LARP1: variants seen among roughly 807,000 people sequenced by gnomAD.
LARP1 encodes la-related protein 1.
A neutral mutation model predicts 122.7 loss-of-function variants in LARP1; 36 were observed. The ratio of observed to expected loss-of-function variants is 0.29; its 90% CI spans 0.22 to 0.39. The LOEUF is 0.39. LARP1 is among the 10% of genes least tolerant of loss of function. The probability of loss-of-function intolerance (pLI) is 1.00; values close to 1 mark genes in which losing one functional copy is unlikely to be tolerated. For missense variants in LARP1, 1,040 were observed against 1,403.6 expected, an observed-to-expected ratio of 0.74 and a Z score of 4.14; for synonymous variants, 539 against 528.7, an observed-to-expected ratio of 1.02 and a Z score of -0.27.
chr5:154,816,293 G>T lies in LARP1; in HGVS notation c.*2197G>T. ...TCCTTTCTTTCCTTCAGGTCACGCA[G>T]CCCTGTACTGTATCCAGCACCACAG... On this transcript the variant is annotated 3_prime_UTR_variant, in exon 19 of 19. Transcript: ENST00000518297. 6.5e-6 allele frequency: 1 copy of T among 153,326 alleles called. No homozygotes were observed. Among genetic ancestry groups the T allele is most frequent in the Non-Finnish European group, 1.5e-5 (1 of 68,534 alleles). The allele number at this position is 153,326 out of a possible 1,614,324, so 9.5% of individuals were successfully genotyped here. A position where few individuals can be genotyped will look rare whatever the true frequency, so the allele number is the denominator to read the frequency against.
At chr5:154,766,937 C>G (rs1010338607) in intron 1 of LARP1, among the ~76,000 whole-genome samples, 2 of 152,180 alleles carry the variant, frequency 1.3e-5, no homozygotes, top group African/African-American at 4.8e-5. Flanking sequence ...AGAGGTCATT[C>G]AATCTAAACC....
At chr5:154,710,340 A>C (rs749336771), upstream of LARP1, among the ~76,000 whole-genome samples, 2 of 152,168 alleles carry the variant, frequency 1.3e-5, no homozygotes, top group Non-Finnish European at 2.9e-5. Context: ...GGCCAGGCAC[A>C]GTGGCTTATG....
intron 8 of LARP1, among the ~76,000 whole-genome samples, chr5:154,799,338 T>C (rs911926510): frequency 2.6e-5 from 4 of 152,236 alleles, no homozygotes; most frequent in Non-Finnish European, 4.4e-5. Context: ...AAGTGTTCTC[T>C]AGAGCAGATT....
In LARP1 at chr5:154,814,310, T is replaced by C. The variant is rs925397042; in HGVS notation, c.*214T>C. The stretch of plus-strand genomic sequence containing the variant: ...CATCCCCTTCCCCCTCCTCTCTCCA[T>C]GACTCTTGACATCCTAGCTTCTTCT... On this transcript the variant is annotated 3_prime_UTR_variant, in exon 19 of 19. Transcript: ENST00000518297. 1 of 473,480 alleles carries C rather than the reference T, an allele frequency of 2.1e-6. No individual in the cohort carries two copies. The highest frequency in any genetic ancestry group is 3.8e-6 in the Non-Finnish European group (1 of 262,856). 29.3% of individuals were successfully genotyped at this position (473,480 alleles called of 1,614,324 possible). A position where few individuals can be genotyped will look rare whatever the true frequency, so the allele number is the denominator to read the frequency against.
intron 1 of LARP1, among the ~76,000 whole-genome samples, chr5:154,766,239 C>G (rs1017732739): frequency 1.3e-5 from 2 of 152,124 alleles, no homozygotes; most frequent in Non-Finnish European, 2.9e-5. Context: ...GGAGAGACAT[C>G]GAAGATTGTA....
intron 1 of LARP1, among the ~76,000 whole-genome samples, chr5:154,720,192 AAATAATAATAATAATAGT>A (rs1487188300): frequency 2.2e-5 from 3 of 136,368 alleles, no homozygotes; most frequent in Non-Finnish European, 5.1e-5. Context: ...CTCTGTCTCA[AAATAATAATAATAATAGT>A]AATAATAATA....
At chr5:154,704,627 A>G (rs972077376) in intron 1 of LARP1, among the ~76,000 whole-genome samples, 1 of 149,144 alleles carries the variant, frequency 6.7e-6, no homozygotes, top group Non-Finnish European at 1.5e-5. Flanking sequence ...AGCTTGGGCG[A>G]CAGGAATGAA....
At chr5:154,756,601 C>A in intron 1 of LARP1, 1 of 658,240 alleles carries the variant, frequency 1.5e-6, no homozygotes, top group Non-Finnish European at 1.9e-6. Flanking sequence ...GTTTTGGTAG[C>A]GTTGCGAGCG....
At chr5:154,767,511 C>G (rs577995113) in intron 1 of LARP1, among the ~76,000 whole-genome samples, 1 of 152,138 alleles carries the variant, frequency 6.6e-6, no homozygotes, top group African/African-American at 2.4e-5. Flanking sequence ...CCTAGGCTGG[C>G]TCAAGCAACT....
chr5:154,708,240 C>T (rs961468652), upstream of LARP1, among the ~76,000 whole-genome samples: 1 of 152,178 alleles, frequency 6.6e-6, no homozygotes, highest in Non-Finnish European at 1.5e-5. Flanking sequence ...AATGCTCACT[C>T]GTCGCCCCCA....
upstream of LARP1, among the ~76,000 whole-genome samples, chr5:154,750,858 CCA>C (rs1158564419): frequency 6.6e-6 from 1 of 151,146 alleles, no homozygotes; most frequent in East Asian, 2.0e-4. Context: ...AGCAATTCTC[CCA>C]CCTTGGCCTC....
upstream of LARP1, among the ~76,000 whole-genome samples, chr5:154,711,241 A>G (rs1755205079): frequency 6.6e-6 from 1 of 151,692 alleles, no homozygotes; most frequent in Non-Finnish European, 1.5e-5. Context: ...TCCCGGGTTC[A>G]AGCGATTCTC....
intron 1 of LARP1, among the ~76,000 whole-genome samples, chr5:154,730,863 CTT>C (rs60848864): frequency 6.3e-5 from 8 of 127,772 alleles, no homozygotes; most frequent in Admixed American, 1.6e-4. Flanking sequence ...ACCATTCTGA[CTT>C]TTTTTTTTTT....
At chr5:154,774,550 C>T (rs1268128571) in intron 1 of LARP1, among the ~76,000 whole-genome samples, 1 of 152,218 alleles carries the variant, frequency 6.6e-6, no homozygotes, top group Non-Finnish European at 1.5e-5. Flanking sequence ...TACTCAAACC[C>T]TTGGATATAA....
At chr5:154,719,441 A>G (rs931112817) in intron 1 of LARP1, among the ~76,000 whole-genome samples, 14 of 152,232 alleles carry the variant, frequency 9.2e-5, no homozygotes, top group Non-Finnish European at 1.8e-4. Flanking sequence ...ATATTTTTAA[A>G]TACCTAAAAT....
chr5:154,799,911 C>T lies in LARP1; in HGVS notation c.1585C>T (p.Pro529Ser), dbSNP rs1166843936. The change falls in exon 10 of 19, where the codon CCA (proline) becomes TCA (serine). Residue 529 changes from proline (P) to serine (S), a missense_variant. Physicochemically the swap from Pro to Ser is moderately conservative, Grantham distance 74. Transcript: ENST00000518297. ...PGSPRAVTPV[P>S]TKTEEVSNLK... ...CTCTCCTCGTGCAGTCACCCCAGTG[C>T]CAACCAAAACAGAGGAGGTCAGCAA... 26 of 1,614,154 alleles carry T rather than the reference C, an allele frequency of 1.6e-5. No homozygotes were observed. Among genetic ancestry groups the T allele is most frequent in the Non-Finnish European group, 2.2e-5 (26 of 1,180,008 alleles).
Position 154,802,129 on chromosome 5 carries a change from G to GGAGCAGATGGATGGGCGGAAGAACA in LARP1, c.1840_1864dup (p.Thr622ArgfsTer15). On this transcript the variant is annotated frameshift_variant, in exon 11 of 19. Coordinates refer to ENST00000518297, the MANE Select transcript of LARP1 (RefSeq NM_033551.3). LOFTEE classifies it high-confidence loss of function. The surrounding 1 kb of genome is among the most constrained non-coding windows in gnomAD (Gnocchi z 5.1). ...TGGATTTTCTGTTTGACGAGGAGAT[G>GGAGCAGATGGATGGGCGGAAGAACA]GAGCAGATGGATGGGCGGAAGAACA... 1 of 1,614,204 alleles carries GGAGCAGATGGATGGGCGGAAGAACA rather than the reference G, an allele frequency of 6.2e-7. No individual in the cohort carries two copies. The highest frequency in any genetic ancestry group is 1.1e-5 in the South Asian group (1 of 91,078).
intron 15 of LARP1, among the ~76,000 whole-genome samples, chr5:154,808,032 T>C (rs1758932648): frequency 6.6e-6 from 1 of 152,272 alleles, no homozygotes; most frequent in Non-Finnish European, 1.5e-5. Context: ...CTTGTGCTTT[T>C]GGTGTTGTGC....
At chr5:154,813,780 A>G in intron 18 of LARP1, 107 bp from the exon 19 acceptor site, 2 of 903,314 alleles carry the variant, frequency 2.2e-6, no homozygotes, top group South Asian at 1.5e-5. Context: ...AAACCCATTC[A>G]TTTTCTATAT....
Sources: allele counts gnomAD v4.1 joint callset (sites outside exome capture counted in the v4.1 genomes callset), GRCh38; gene constraint gnomAD v4.1.1; non-coding constraint Gnocchi (gnomAD v3.1); transcripts MANE v1.5; gene names NCBI Gene and HGNC (gene_info 2026-07-23, HGNC 2026-07-21).